LRBA: variants seen among roughly 807,000 people sequenced by gnomAD.
The protein encoded by LRBA is LPS responsive beige-like anchor protein, also known as lipopolysaccharide-responsive and beige-like anchor protein.
Under a neutral mutation model 330.0 loss-of-function variants are expected in LRBA, and 176 were observed. The ratio of observed to expected loss-of-function variants is 0.53; its 90% CI spans 0.47 to 0.60. The LOEUF is 0.60. LRBA is among the 20% of genes least tolerant of loss of function. The probability of loss-of-function intolerance (pLI) is 0.00; values close to 1 mark genes in which losing one functional copy is unlikely to be tolerated. For synonymous variants in LRBA, 1,230 were observed against 1,193.0 expected (o/e 1.03, Z -0.64); for missense variants, 3,259 against 3,444.8 (o/e 0.95, Z 1.35).
At chr4:150,997,292 C>T (rs1742762677) in intron 2 of LRBA, among the ~76,000 whole-genome samples, 1 of 152,146 alleles carries the variant, frequency 6.6e-6, no homozygotes, top group Non-Finnish European at 1.5e-5. Flanking sequence ...AGAGCAGTCC[C>T]TACAAATAGA....
At chr4:150,835,883 T>A (rs2126846224) in intron 28 of LRBA, among the ~76,000 whole-genome samples, 1 of 152,324 alleles carries the variant, frequency 6.6e-6, no homozygotes, top group African/African-American at 2.4e-5. Flanking sequence ...TTGTGCCAGT[T>A]TTCAAAGGGA....
chr4:150,438,737 G>A (rs1751454870), intron 44 of LRBA, among the ~76,000 whole-genome samples: 1 of 152,074 alleles, frequency 6.6e-6, no homozygotes, highest in Non-Finnish European at 1.5e-5. Context: ...TGCTTTTCAT[G>A]TTACATGTTA....
At chr4:150,998,687 C>A (rs1742985104) in intron 2 of LRBA, among the ~76,000 whole-genome samples, 1 of 152,118 alleles carries the variant, frequency 6.6e-6, no homozygotes, top group Non-Finnish European at 1.5e-5. Flanking sequence ...AATTTTAAAA[C>A]ACCACCTCCA....
chr4:150,982,628 T>TA lies in LRBA; in HGVS notation c.216+31798dup, dbSNP rs1740975961. On this transcript the variant is annotated intron_variant, in intron 2 of 56. Transcript: ENST00000651943. Reference sequence around the variant, plus strand: ...AAAAAAAAAAAAAACACCCATAGAATAAAAAATACCAGTTTCTCTTGTAAT... The same window carrying TA: ...AAAAAAAAAAAAAACACCCATAGAATAAAAAAATACCAGTTTCTCTTGTAAT... Among the ~76,000 whole-genome samples the TA allele has an allele frequency of 1.4e-5, 2 of 148,146 alleles. 1 individual carries two copies. Among genetic ancestry groups the TA allele is most frequent in the South Asian group, 4.2e-4 (2 of 4,782 alleles).
At chr4:150,267,436 C>CA (rs780185300) in intron 56 of LRBA, among the ~76,000 whole-genome samples, 3 of 83,206 alleles carry the variant, frequency 3.6e-5, no homozygotes, top group Non-Finnish European at 9.0e-5. Flanking sequence ...TCAAAAAAAA[C>CA]AAACAACAAC....
chr4:150,410,458 A>C (rs1746816490), intron 47 of LRBA, among the ~76,000 whole-genome samples: 1 of 152,094 alleles, frequency 6.6e-6, no homozygotes, highest in Non-Finnish European at 1.5e-5. Flanking sequence ...ATTTTTCTTT[A>C]CCTTGTTAAG....
rs138051786 is a variant in LRBA, at chr4:150,427,497, C to T, written c.7041+8092G>A. On this transcript the variant is annotated intron_variant, in intron 46 of 56. Coordinates refer to ENST00000651943, the MANE Select transcript of LRBA (RefSeq NM_001364905.1). ...CAAATCGCAAGTTATCTATAAGTTA[C>T]GTATAAAAAGCAAGGATAAACAGAC... Among the ~76,000 whole-genome samples, 332 of 151,594 alleles carry T rather than the reference C, an allele frequency of 2.2e-3. 4 individuals are homozygous for T. The highest frequency in any genetic ancestry group is 7.6e-3 in the African/African-American group (316 of 41,376).
intron 2 of LRBA, among the ~76,000 whole-genome samples, chr4:150,990,539 G>A (rs1741952829): frequency 6.6e-6 from 1 of 151,336 alleles, no homozygotes; most frequent in South Asian, 2.1e-4. Flanking sequence ...ACCAGCCTAG[G>A]CAAGACAACA....
In LRBA at chr4:150,916,406, G is replaced by C; in HGVS notation, c.889C>G (p.Gln297Glu). The change falls in exon 7 of 57, where the codon CAA becomes GAA. Residue 297 changes from glutamine to glutamate, a missense_variant. Gln to Glu is a conservative substitution (Grantham distance 29). Coordinates refer to ENST00000651943, the MANE Select transcript of LRBA (RefSeq NM_001364905.1). ...QHCVKFDFKP[Q>E]KWYMVTIVHI... ...GACTCAAGAAGATCATGTACCTTTT[G>C]TGGCTTGAAATCAAATTTCACACAG... is the stretch of plus-strand genomic sequence containing the variant. 1.2e-6 allele frequency: 2 copies of C among 1,612,898 alleles called. No homozygotes were observed. Among genetic ancestry groups the C allele is most frequent in the East Asian group, 2.2e-5 (1 of 44,756 alleles).
At chr4:150,290,135 C>T (rs989132920) in intron 53 of LRBA, among the ~76,000 whole-genome samples, 11 of 152,156 alleles carry the variant, frequency 7.2e-5, no homozygotes, top group African/African-American at 2.4e-4. Context: ...CCATATAACT[C>T]ATTCTCACTG....
intron 37 of LRBA, among the ~76,000 whole-genome samples, chr4:150,603,451 CATAAA>C (rs1694387116): frequency 6.6e-6 from 1 of 152,120 alleles, no homozygotes. Context: ...CTATAATCTA[CATAAA>C]ATAACATAAA....
chr4:150,732,450 T>A (rs1006387626), intron 36 of LRBA, among the ~76,000 whole-genome samples: 1 of 152,044 alleles, frequency 6.6e-6, no homozygotes, highest in Non-Finnish European at 1.5e-5. Flanking sequence ...ATCTCTCTTA[T>A]TCACTTCAAC....
At chr4:150,401,507 T>C (rs1034918164) in intron 47 of LRBA, among the ~76,000 whole-genome samples, 4 of 152,156 alleles carry the variant, frequency 2.6e-5, no homozygotes, top group Admixed American at 2.6e-4. Context: ...TACTTTGTAA[T>C]GGCAGCCCTA....
In LRBA at chr4:150,560,677, A is replaced by G. The variant is rs1768202040; in HGVS notation, c.6330+27371T>C. On this transcript the variant is annotated intron_variant, in intron 40 of 56. Transcript: ENST00000651943. ...ATATAGGTCCATATTTATAATTCAA[A>G]TCATTGGCAATTAAAAGCGTTACTA... Among the ~76,000 whole-genome samples, 3 of 152,258 alleles carry G rather than the reference A, an allele frequency of 2.0e-5. No individual in the cohort carries two copies. In the South Asian group the frequency reaches 6.2e-4, roughly 32 times the overall value.
chr4:150,437,170 T>C (rs1046001450), intron 44 of LRBA, among the ~76,000 whole-genome samples: 1 of 152,022 alleles, frequency 6.6e-6, no homozygotes, highest in Non-Finnish European at 1.5e-5. Flanking sequence ...AAGTGAAATA[T>C]CAGCTGTACA....
chr4:150,854,660 A>C (rs1751013233), intron 22 of LRBA, among the ~76,000 whole-genome samples: 1 of 152,228 alleles, frequency 6.6e-6, no homozygotes, highest in South Asian at 2.1e-4. Context: ...GTGTAACTGC[A>C]GTAGGCCTCT....
chr4:150,776,421 G>A (rs1485609150), intron 34 of LRBA, among the ~76,000 whole-genome samples: 1 of 152,174 alleles, frequency 6.6e-6, no homozygotes, highest in African/African-American at 2.4e-5. Flanking sequence ...TCAATCACGG[G>A]GAAGAGGGGG....
At chr4:150,548,637 A>T (rs991197547) in intron 40 of LRBA, among the ~76,000 whole-genome samples, 1 of 152,236 alleles carries the variant, frequency 6.6e-6, no homozygotes, top group African/African-American at 2.4e-5. Flanking sequence ...CAGATTTAAA[A>T]AAAAATTTAA....
chr4:150,347,629 G>A, intron 48 of LRBA, among the ~76,000 whole-genome samples: 1 of 130,906 alleles, frequency 7.6e-6, no homozygotes, highest in East Asian at 2.2e-4. Context: ...CTGGGTGAAA[G>A]AGCGAGACTC....
Sources: gnomAD v4.1 joint callset for allele counts (sites outside exome capture counted in the v4.1 genomes callset) on GRCh38, gnomAD v4.1.1 for gene constraint, MANE v1.5 for transcripts, NCBI Gene and HGNC (gene_info 2026-07-23, HGNC 2026-07-21) for gene names.